ZNF268: variants seen among roughly 807,000 people sequenced by gnomAD.
ZNF268 encodes zinc finger protein 268.
A neutral mutation model predicts 29.3 loss-of-function variants in ZNF268; 20 were observed. That is an observed-to-expected ratio of 0.68 (90% CI 0.48 to 0.99). The LOEUF (loss-of-function observed/expected upper bound fraction) is 0.99. Among genes scored for constraint, ZNF268 ranks in the 50% least tolerant of loss-of-function variants. The pLI is 0.00. For synonymous variants in ZNF268, 429 were observed against 376.9 expected (o/e 1.14, Z -1.60); for missense variants, 1,240 against 1,121.6 (o/e 1.11, Z -1.51).
At position 133,211,454 on chromosome 12, in the gene ZNF268, C is replaced by G. The variant is rs1956979561; in HGVS notation, c.*6924C>G. The G allele has an allele frequency of 1.1e-5, 2 of 180,836 alleles. No homozygotes were observed. Among genetic ancestry groups the G allele is most frequent in the African/African-American group, 2.4e-5 (1 of 41,670 alleles). 11.2% of individuals were successfully genotyped at this position (180,836 alleles called of 1,614,324 possible). A position where few individuals can be genotyped will look rare whatever the true frequency, so the allele number is the denominator to read the frequency against. ...AAATTAGCCAGGCGTGGTGGCGCTA[C>G]TCTGCCACCAAGTGGTAGCTACTCC... On this transcript the variant is annotated 3_prime_UTR_variant, in exon 6 of 6. Transcript: ENST00000536435.
In ZNF268 at chr12:133,206,664, A is replaced by T. The variant is rs560909705; in HGVS notation, c.*2134A>T. 6.6e-5 allele frequency: 10 copies of T among 152,270 alleles called. No individual in the cohort carries two copies. In the South Asian group the frequency reaches 2.1e-3, roughly 32 times the overall value. The allele number at this position is 152,270 out of a possible 1,614,324, so 9.4% of individuals were successfully genotyped here. On this transcript the variant is annotated 3_prime_UTR_variant, in exon 6 of 6. Coordinates refer to ENST00000536435, the MANE Select transcript of ZNF268 (RefSeq NM_003415.3). ...CTGCTTTGTACTCTATTAGATACCC[A>T]AAGAAATTTTCATCCTTGAAGCGGA... is the stretch of plus-strand genomic sequence containing the variant.
rs544688281 is a variant in ZNF268 at position 133,208,630 on chromosome 12, G to A, written c.*4100G>A. On this transcript the variant is annotated 3_prime_UTR_variant, in exon 6 of 6. Transcript: ENST00000536435. ...TGATCATGCCCCTGCACTCCATCCT[G>A]GGCAACAAAGTGAGACCCTGTCTGT... 2 of 152,282 alleles carry A rather than the reference G, an allele frequency of 1.3e-5. No individual in the cohort carries two copies. The highest frequency in any genetic ancestry group is 4.8e-5 in the African/African-American group (2 of 41,514). The allele number at this position is 152,282 out of a possible 1,614,324, so 9.4% of individuals were successfully genotyped here.
At chr12:133,195,630 C>G (rs1245755251) in intron 5 of ZNF268, among the ~76,000 whole-genome samples, 1 of 152,132 alleles carries the variant, frequency 6.6e-6, no homozygotes, top group East Asian at 1.9e-4. Flanking sequence ...TCAGTTGAGT[C>G]TGGGAGGTTG....
At position 133,202,180 on chromosome 12, in the gene ZNF268, A is replaced by C. The variant is rs1956767533; in HGVS notation, c.494A>C (p.His165Pro). 6.2e-7 allele frequency: 1 copy of C among 1,601,240 alleles called. No homozygotes were observed. Among genetic ancestry groups the C allele is most frequent in the East Asian group, 2.2e-5 (1 of 44,738 alleles). Residue 165 changes from histidine to proline, a missense_variant, in exon 6 of 6, where the codon CAT (histidine) becomes CCT (proline). His to Pro is a moderately conservative substitution (Grantham distance 77, BLOSUM62 -2). Around this residue, in one of 3 missense-constraint regions of ZNF268, gnomAD observed 1,177 missense variants for 1,039.6 expected, o/e 1.13. Transcript: ENST00000536435. ...VWKIDDLMDW[H>P]QENKDKLGST... The stretch of plus-strand genomic sequence containing the variant: ...AAAATTGATGATCTTATGGATTGGC[A>C]TCAGGAAAATAAAGACAAGCTGGGA...
chr12:133,200,930 C>T (rs985956031), intron 5 of ZNF268, among the ~76,000 whole-genome samples: 2 of 152,082 alleles, frequency 1.3e-5, no homozygotes, highest in Non-Finnish European at 2.9e-5. Flanking sequence ...ACCATATACA[C>T]ACTCATGATG....
At chr12:133,191,018 G>A (rs1313100667) in intron 3 of ZNF268, among the ~76,000 whole-genome samples, 1 of 151,986 alleles carries the variant, frequency 6.6e-6, no homozygotes, top group African/African-American at 2.4e-5. Context: ...TTCTAGGATA[G>A]CTTAAAACTG....
At chr12:133,185,499 G>C (rs1375643208) in intron 2 of ZNF268, among the ~76,000 whole-genome samples, 1 of 149,558 alleles carries the variant, frequency 6.7e-6, no homozygotes, top group African/African-American at 2.5e-5. Context: ...GATGAACAGA[G>C]GTGCAGAGGC....
intron 2 of ZNF268, chr12:133,184,712 G>A (rs1006530546): frequency 8.9e-6 from 4 of 451,388 alleles, no homozygotes; most frequent in East Asian, 7.0e-5. Flanking sequence ...TGCTTCCCGA[G>A]TTCAAGTGGT....
At position 133,204,451 on chromosome 12, in the gene ZNF268, G is replaced by C. The variant is rs1411344186; in HGVS notation, c.2765G>C (p.Cys922Ser). 1.3e-6 allele frequency: 2 copies of C among 1,558,880 alleles called. No homozygotes were observed. Among genetic ancestry groups the C allele is most frequent in the Non-Finnish European group, 1.7e-6 (2 of 1,157,750 alleles). The change falls in exon 6 of 6, where the codon TGC (cysteine) becomes TCC (serine). Residue 922 changes from cysteine to serine, a missense_variant. Cys to Ser is a moderately radical substitution (Grantham distance 112). Coordinates refer to ENST00000536435, the MANE Select transcript of ZNF268 (RefSeq NM_003415.3). Reference sequence around the variant, plus strand: ...CATACAGGAGAGAAGCCTTGTAAGTGCACTGAATGTGGGAAAGCCTTTTGT... The same window carrying C: ...CATACAGGAGAGAAGCCTTGTAAGTCCACTGAATGTGGGAAAGCCTTTTGT... The part of the protein sequence containing the change: ...RTHTGEKPCK[C>S]TECGKAFCWK...
Position 133,204,714 on chromosome 12 carries a change from G to A in ZNF268, c.*184G>A. 3 of 497,870 alleles carry A rather than the reference G, an allele frequency of 6.0e-6. No individual in the cohort carries two copies. The highest frequency in any genetic ancestry group is 6.9e-6 in the Non-Finnish European group (2 of 289,230). The allele number at this position is 497,870 out of a possible 1,614,324, so 30.8% of individuals were successfully genotyped here. ...GCTGTTCTTTACATGCAAAAAGATAGTAGACAATACACAGGAAAACTGAAT... is the reference window on the plus strand; with the variant it reads ...GCTGTTCTTTACATGCAAAAAGATAATAGACAATACACAGGAAAACTGAAT... On this transcript the variant is annotated 3_prime_UTR_variant, in exon 6 of 6. Coordinates refer to ENST00000536435, the MANE Select transcript of ZNF268 (RefSeq NM_003415.3).
intron 5 of ZNF268, 85 bp downstream of exon 5, chr12:133,192,088 C>A: frequency 8.6e-7 from 1 of 1,156,562 alleles, no homozygotes; most frequent in Non-Finnish European, 1.2e-6. Context: ...TTGTACTTTG[C>A]CTCGTGTATT....
intron 2 of ZNF268, chr12:133,184,578 C>A: frequency 3.2e-6 from 1 of 317,042 alleles, no homozygotes; most frequent in Non-Finnish European, 6.8e-6. Flanking sequence ...GCCGTCATGA[C>A]TTAATCACTA....
chr12:133,197,884 T>G (rs899528831), intron 5 of ZNF268, among the ~76,000 whole-genome samples: 1 of 152,278 alleles, frequency 6.6e-6, no homozygotes, highest in East Asian at 1.9e-4. Flanking sequence ...TTGATGGGGT[T>G]GTTTTTTTCT....
intron 2 of ZNF268, among the ~76,000 whole-genome samples, chr12:133,184,477 T>G (rs988110090): frequency 1.3e-5 from 2 of 152,144 alleles, no homozygotes; most frequent in African/African-American, 4.8e-5. Context: ...AAGGGAAGAA[T>G]GCTGTGTCCT....
Position 133,207,729 on chromosome 12 carries a change from A to C in ZNF268, c.*3199A>C, listed in dbSNP as rs1174579263. ...AGGCTGGGACGGGAGAATCACTTGA[A>C]TCTAGGAGGCGGAAGTTGCAGTGAG... On this transcript the variant is annotated 3_prime_UTR_variant, in exon 6 of 6. Coordinates refer to ENST00000536435, the MANE Select transcript of ZNF268 (RefSeq NM_003415.3). 6.6e-6 allele frequency: 1 copy of C among 152,180 alleles called. No homozygotes were observed. Among genetic ancestry groups the C allele is most frequent in the Non-Finnish European group, 1.5e-5 (1 of 68,036 alleles). 9.4% of individuals were successfully genotyped at this position (152,180 alleles called of 1,614,324 possible).
chr12:133,182,793 A>G (rs983390206), intron 2 of ZNF268, among the ~76,000 whole-genome samples: 1 of 152,210 alleles, frequency 6.6e-6, no homozygotes, highest in Non-Finnish European at 1.5e-5. Context: ...GTTGAGTTTA[A>G]TGGTGATAGT....
Position 133,202,612 on chromosome 12 carries a change from G to T in ZNF268, c.926G>T (p.Cys309Phe). The change falls in exon 6 of 6, where the codon TGT (cysteine) becomes TTT (phenylalanine). Residue 309 changes from cysteine (C) to phenylalanine (F), a missense_variant. Cys to Phe is a radical substitution (Grantham distance 205). This residue lies in a region of ZNF268 where 1,177 missense variants were observed against 1,039.6 expected (regional missense o/e 1.13). Transcript: ENST00000536435. ...GAGAAACCCTATGGTTGTAATGAAT[G>T]TGGGAAAGACTTCAGTAGTAAATCA... ...AEEKPYGCNE[C>F]GKDFSSKSYL... The T allele has an allele frequency of 3.7e-6, 6 of 1,605,194 alleles. No individual in the cohort carries two copies. The highest frequency in any genetic ancestry group is 5.1e-6 in the Non-Finnish European group (6 of 1,175,286).
At chr12:133,197,387 A>G (rs1241885097) in intron 5 of ZNF268, among the ~76,000 whole-genome samples, 1 of 151,082 alleles carries the variant, frequency 6.6e-6, no homozygotes, top group Non-Finnish European at 1.5e-5. Flanking sequence ...TTATGGCTGC[A>G]TAGTATTCCA....
chr12:133,203,893 A>G lies in ZNF268; in HGVS notation c.2207A>G (p.Asn736Ser), dbSNP rs760487580. The G allele has an allele frequency of 1.3e-6, 2 of 1,578,440 alleles. No homozygotes were observed. Among genetic ancestry groups the G allele is most frequent in the South Asian group, 1.1e-5 (1 of 87,708 alleles). ...GAATGCGGGAAATCCTTTAGTTTCAATTCACAACTCATTGTGCATCAGAGA... is the reference window on the plus strand; with the variant it reads ...GAATGCGGGAAATCCTTTAGTTTCAGTTCACAACTCATTGTGCATCAGAGA... ...CRECGKSFSF[N>S]SQLIVHQRIH... Residue 736 changes from asparagine to serine, a missense_variant, in exon 6 of 6, where the codon AAT becomes AGT. Physicochemically the swap from Asn to Ser is conservative, Grantham distance 46. This residue lies in a region of ZNF268 where 1,177 missense variants were observed against 1,039.6 expected (regional missense o/e 1.13). Coordinates refer to ENST00000536435, the MANE Select transcript of ZNF268 (RefSeq NM_003415.3).
Sources: gnomAD v4.1 joint callset for allele counts (sites outside exome capture counted in the v4.1 genomes callset) on GRCh38, gnomAD v4.1.1 for gene constraint, gnomAD v4.1.1 regional missense constraint, MANE v1.5 for transcripts, NCBI Gene and HGNC (gene_info 2026-07-23, HGNC 2026-07-21) for gene names.